PPP1R21: variants seen among roughly 807,000 people sequenced by gnomAD.
PPP1R21 encodes KLRAQ motif containing 1.
In PPP1R21, 85 loss-of-function variants were observed where a neutral mutation model predicts 112.8. That is an observed-to-expected ratio of 0.75 (90% confidence interval 0.63 to 0.90). The LOEUF (loss-of-function observed/expected upper bound fraction) is 0.90. Ranked by LOEUF, PPP1R21 falls within the 40% of genes least tolerant of loss-of-function variation. The pLI is 0.00. For synonymous variants in PPP1R21, 381 were observed against 322.3 expected, an observed-to-expected ratio of 1.18 and a Z score of -1.95; for missense variants, 1,199 against 901.5, an observed-to-expected ratio of 1.33 and a Z score of -4.23.
At chr2:48,465,108 G>A in intron 8 of PPP1R21, 119 bp downstream of exon 8, 2 of 776,264 alleles carry the variant, frequency 2.6e-6, no homozygotes, top group Non-Finnish European at 4.1e-6. Flanking sequence ...TTTAACTGTT[G>A]CTTTACGTGT....
rs1287094293 is a variant in PPP1R21, at chr2:48,514,976, T to C, written c.*232T>C. On this transcript the variant is annotated 3_prime_UTR_variant, in exon 22 of 22. Coordinates refer to ENST00000294952, the MANE Select transcript of PPP1R21 (RefSeq NM_001135629.3). The stretch of plus-strand genomic sequence containing the variant: ...TAAATGGAAAACAATACGTATGTCA[T>C]GGATATTGTAGGTTTCCTTATGCTG... 4 of 527,558 alleles carry C rather than the reference T, an allele frequency of 7.6e-6. No homozygotes were observed. Among genetic ancestry groups the C allele is most frequent in the Non-Finnish European group, 1.3e-5 (4 of 300,368 alleles). The allele number at this position is 527,558 out of a possible 1,614,324, so 32.7% of individuals were successfully genotyped here.
Position 48,502,831 on chromosome 2 carries a change from C to G in PPP1R21, c.1936-2733C>G, listed in dbSNP as rs574208557. On this transcript the variant is annotated intron_variant, in intron 17 of 21. Transcript: ENST00000294952. ...AAGTAGCTGGGACTACAGGCGCCTG[C>G]CACCATGCCCGGCTAATTTTTTGTA... is the stretch of plus-strand genomic sequence containing the variant. 2.6e-4 allele frequency among the ~76,000 whole-genome samples: 40 copies of G among 152,090 alleles called. 1 individual carries two copies. Among genetic ancestry groups the G allele is most frequent in the African/African-American group, 9.2e-4 (38 of 41,512 alleles).
intron 3 of PPP1R21, 45 bp from the exon 4 acceptor site, chr2:48,458,081 C>T: frequency 3.8e-6 from 5 of 1,304,354 alleles, no homozygotes; most frequent in South Asian, 1.2e-5. Flanking sequence ...GGATGTTTCT[C>T]TAAAGGATGA....
In PPP1R21 at chr2:48,464,922, A is replaced by G. The variant is rs555890857; in HGVS notation, c.695-15A>G. The G allele has an allele frequency of 5.8e-6, 9 of 1,556,932 alleles. No individual in the cohort carries two copies. In the South Asian group the frequency reaches 1.1e-4, roughly 19 times the overall value. ...TGAAATGAGAGACTTAATGTACATT[A>G]TTTTTCTTCTGTAGAATATAGTCAG... On this transcript the variant is annotated splice_polypyrimidine_tract_variant and intron_variant, in intron 7 of 21. Coordinates refer to ENST00000294952, the MANE Select transcript of PPP1R21 (RefSeq NM_001135629.3).
At chr2:48,490,528 CT>C (rs1572879114) in intron 14 of PPP1R21, among the ~76,000 whole-genome samples, 1 of 151,848 alleles carries the variant, frequency 6.6e-6, no homozygotes, top group African/African-American at 2.4e-5. Flanking sequence ...AATTTTCAGT[CT>C]TTTTTTTCTA....
chr2:48,500,564 C>T (rs557969147), intron 17 of PPP1R21, among the ~76,000 whole-genome samples: 4 of 151,774 alleles, frequency 2.6e-5, no homozygotes, highest in Non-Finnish European at 5.9e-5. Context: ...AAAATAAAAC[C>T]TAAAAACAAC....
intron 16 of PPP1R21, among the ~76,000 whole-genome samples, chr2:48,497,940 C>G (rs1365132872): frequency 6.6e-6 from 1 of 151,756 alleles, no homozygotes; most frequent in Non-Finnish European, 1.5e-5. Context: ...CATGAGCCAC[C>G]GTGCCTGGCC....
chr2:48,455,048 G>T (rs187664310), intron 3 of PPP1R21, among the ~76,000 whole-genome samples: 1 of 152,218 alleles, frequency 6.6e-6, no homozygotes, highest in East Asian at 1.9e-4. Context: ...ATGTTGCCCA[G>T]GCTGGCCTTG....
rs1667961865 is a variant in PPP1R21, at chr2:48,461,199, A to G, written c.661A>G (p.Ile221Val). The stretch of plus-strand genomic sequence containing the variant: ...AGGTAGATTAGAGGAATCCTTATCA[A>G]TCATCAATGAAAAAGTACCTTTTAA... The part of the protein sequence containing the change: ...LSGRLEESLS[I>V]INEKVPFNDT... Residue 221 changes from isoleucine (I) to valine (V), a missense_variant, in exon 7 of 22, where the codon ATC becomes GTC. Coordinates refer to ENST00000294952, the MANE Select transcript of PPP1R21 (RefSeq NM_001135629.3). 6.3e-7 allele frequency: 1 copy of G among 1,583,388 alleles called. No homozygotes were observed. The highest frequency in any genetic ancestry group is 1.4e-5 in the African/African-American group (1 of 72,618).
intron 20 of PPP1R21, 109 bp from the exon 21 acceptor site, chr2:48,511,231 T>C: frequency 9.5e-7 from 1 of 1,057,416 alleles, no homozygotes. Context: ...AGTAAATTAT[T>C]GGGAAACTAT....
intron 1 of PPP1R21, among the ~76,000 whole-genome samples, chr2:48,450,380 G>A (rs1475197120): frequency 6.6e-6 from 1 of 152,166 alleles, no homozygotes; most frequent in Non-Finnish European, 1.5e-5. Context: ...AAGTACTTAG[G>A]ACGGTGCCTA....
chr2:48,447,515 A>G (rs1036522733), intron 1 of PPP1R21, among the ~76,000 whole-genome samples: 1 of 152,150 alleles, frequency 6.6e-6, no homozygotes, highest in African/African-American at 2.4e-5. Context: ...CAGTTATGTC[A>G]TATGCATTGG....
intron 14 of PPP1R21, among the ~76,000 whole-genome samples, chr2:48,488,705 C>G (rs1177577531): frequency 6.6e-6 from 1 of 152,148 alleles, no homozygotes; most frequent in Non-Finnish European, 1.5e-5. Flanking sequence ...CTGATCTTCA[C>G]TCTGGAATTT....
At chr2:48,512,172 G>A (rs1558535216) in intron 21 of PPP1R21, among the ~76,000 whole-genome samples, 1 of 152,154 alleles carries the variant, frequency 6.6e-6, no homozygotes, top group Non-Finnish European at 1.5e-5. Flanking sequence ...TATAACCTTG[G>A]AATGTCTTAC....
chr2:48,483,371 C>G (rs1473663432), intron 13 of PPP1R21, among the ~76,000 whole-genome samples: 5 of 151,850 alleles, frequency 3.3e-5, no homozygotes, highest in African/African-American at 1.2e-4. Context: ...TAAATAGAGA[C>G]AGGGTTTCGC....
intron 17 of PPP1R21, among the ~76,000 whole-genome samples, chr2:48,501,178 A>G (rs1670095304): frequency 6.6e-6 from 1 of 152,212 alleles, no homozygotes; most frequent in Non-Finnish European, 1.5e-5. Context: ...TCAACAAACA[A>G]AAGAATTCCA....
At chr2:48,454,826 C>T (rs1667648740) in intron 3 of PPP1R21, 85 bp downstream of exon 3, 4 of 1,012,170 alleles carry the variant, frequency 4.0e-6, no homozygotes, top group East Asian at 4.8e-5. Context: ...CAGAAGACCC[C>T]ACTGCCGAAT....
chr2:48,498,940 G>C (rs961722458), intron 17 of PPP1R21, among the ~76,000 whole-genome samples: 1 of 152,158 alleles, frequency 6.6e-6, no homozygotes, highest in African/African-American at 2.4e-5. Flanking sequence ...GAGATTCACT[G>C]TCTGGTTAGG....
chr2:48,484,790 C>T (rs1351864696), intron 13 of PPP1R21, among the ~76,000 whole-genome samples: 2 of 152,214 alleles, frequency 1.3e-5, no homozygotes. Flanking sequence ...TGCTAGATTA[C>T]AGGCATGAGC....
Sources: gnomAD v4.1 joint callset for allele counts (sites outside exome capture counted in the v4.1 genomes callset) on GRCh38, gnomAD v4.1.1 for gene constraint, MANE v1.5 for transcripts, NCBI Gene and HGNC (gene_info 2026-07-23, HGNC 2026-07-21) for gene names.